The following BICC1 variants were observed in gnomAD, a reference collection of about 807,000 sequenced individuals.
BICC1 encodes protein bicaudal C homolog 1.
A neutral mutation model predicts 111.0 loss-of-function variants in BICC1; 43 were observed. The ratio of observed to expected loss-of-function variants is 0.39; its 90% CI spans 0.30 to 0.50. The LOEUF (loss-of-function observed/expected upper bound fraction) is 0.50, where lower values mean the gene tolerates loss of function less well. Among genes scored for constraint, BICC1 ranks in the 20% least tolerant of loss-of-function variants. The pLI is 0.88. For missense variants in BICC1, 1,091 were observed against 1,203.2 expected, an observed-to-expected ratio of 0.91 and a Z score of 1.38; for synonymous variants, 467 against 434.4, an observed-to-expected ratio of 1.07 and a Z score of -0.93.
intron 2 of BICC1, among the ~76,000 whole-genome samples, chr10:58,655,826 T>A (rs1838624649): frequency 6.8e-6 from 1 of 148,034 alleles, no homozygotes; most frequent in Admixed American, 6.9e-5. Context: ...GGGTTTGTCA[T>A]AGATAGCTCT....
intron 3 of BICC1, among the ~76,000 whole-genome samples, chr10:58,708,088 C>G (rs1840451492): frequency 7.0e-6 from 1 of 143,748 alleles, no homozygotes; most frequent in South Asian, 2.3e-4. Flanking sequence ...AAGTGATCTG[C>G]CTGCCATGGC....
chr10:58,684,270 A>T (rs7088529), intron 2 of BICC1, among the ~76,000 whole-genome samples: 2 of 152,136 alleles, frequency 1.3e-5, no homozygotes, highest in Non-Finnish European at 2.9e-5. Flanking sequence ...TGCTGGATTC[A>T]GTTTGCCAGT....
At chr10:58,747,974 A>T (rs1025540882) in intron 3 of BICC1, among the ~76,000 whole-genome samples, 1 of 152,154 alleles carries the variant, frequency 6.6e-6, no homozygotes, top group African/African-American at 2.4e-5. Context: ...CAAATGGCCT[A>T]CAAAGCCTAA....
chr10:58,546,820 G>A (rs549947424), intron 1 of BICC1, among the ~76,000 whole-genome samples: 97 of 152,174 alleles, frequency 6.4e-4, no homozygotes, highest in Non-Finnish European at 1.0e-3. Context: ...CAATCCAGAG[G>A]ATATTTGTAC....
At chr10:58,616,937 G>T (rs1845627885) in intron 1 of BICC1, among the ~76,000 whole-genome samples, 1 of 152,180 alleles carries the variant, frequency 6.6e-6, no homozygotes, top group Admixed American at 6.5e-5. Flanking sequence ...ATTTAAGATG[G>T]TGCGGCTGAG....
At chr10:58,634,932 G>C (rs745601032) in intron 2 of BICC1, among the ~76,000 whole-genome samples, 1 of 152,104 alleles carries the variant, frequency 6.6e-6, no homozygotes, top group Non-Finnish European at 1.5e-5. Flanking sequence ...CATCATAAAG[G>C]TCTTTATCCT....
chr10:58,733,887 C>G (rs1395906237), intron 3 of BICC1, among the ~76,000 whole-genome samples: 1 of 152,130 alleles, frequency 6.6e-6, no homozygotes, highest in Non-Finnish European at 1.5e-5. Context: ...CCTGGGTCAG[C>G]CAGTTACTAG....
chr10:58,752,781 G>A lies in BICC1; in HGVS notation c.308-32220G>A, dbSNP rs939927249. 5.3e-5 allele frequency among the ~76,000 whole-genome samples: 8 copies of A among 152,236 alleles called. No homozygotes were observed. The Middle Eastern group carries it at 0.01, about 194-fold the overall frequency. On this transcript the variant is annotated intron_variant, in intron 3 of 20. Transcript: ENST00000373886. Reference sequence around the variant, plus strand: ...TTTACTTTACCATGCACTTTCATTCGTGGCTGCAAAGAACAGAAAACCCAA... The same window carrying A: ...TTTACTTTACCATGCACTTTCATTCATGGCTGCAAAGAACAGAAAACCCAA...
Position 58,798,497 on chromosome 10 carries a change from A to G in BICC1, c.1465A>G (p.Ser489Gly), listed in dbSNP as rs911915612. 1 of 1,613,094 alleles carries G rather than the reference A, an allele frequency of 6.2e-7. No individual in the cohort carries two copies. Among genetic ancestry groups the G allele is most frequent in the East Asian group, 2.2e-5 (1 of 44,796 alleles). ...NSSVSPLQSP[S>G]SGTPSPTLWA... The stretch of plus-strand genomic sequence containing the variant: ...CTCAGTCAGTCCTTTGCAAAGTCCA[A>G]GTTCTGGTACACCCAGCCCCACATT... Residue 489 changes from serine (S) to glycine (G), a missense_variant, in exon 11 of 21, where the codon AGT (serine) becomes GGT (glycine). Physicochemically the swap from Ser to Gly is moderately conservative, Grantham distance 56. Coordinates refer to ENST00000373886, the MANE Select transcript of BICC1 (RefSeq NM_001080512.3).
At chr10:58,828,189 T>C (rs542834803) in intron 20 of BICC1, among the ~76,000 whole-genome samples, 2 of 152,306 alleles carry the variant, frequency 1.3e-5, no homozygotes, top group Non-Finnish European at 1.5e-5. Context: ...GTTTGGTACC[T>C]CAACCTCTGC....
intron 10 of BICC1, among the ~76,000 whole-genome samples, chr10:58,796,790 T>C (rs1157312189): frequency 6.6e-6 from 1 of 152,170 alleles, no homozygotes; most frequent in Non-Finnish European, 1.5e-5. Flanking sequence ...TGTTCTAAAT[T>C]AAGAATGCCA....
chr10:58,831,172 A>T lies in BICC1; in HGVS notation c.*2281A>T, dbSNP rs1844541453. On this transcript the variant is annotated 3_prime_UTR_variant, in exon 21 of 21. Coordinates refer to ENST00000373886, the MANE Select transcript of BICC1 (RefSeq NM_001080512.3). ...AATGAAGGGAATATGACACTACAGT[A>T]TACAGAGTTGTTGTTATATGATGCA... The T allele has an allele frequency of 6.6e-6, 1 of 152,228 alleles. No homozygotes were observed. The highest frequency in any genetic ancestry group is 2.1e-4 in the South Asian group (1 of 4,836). 9.4% of individuals were successfully genotyped at this position (152,228 alleles called of 1,614,324 possible). A position where few individuals can be genotyped will look rare whatever the true frequency, so the allele number is the denominator to read the frequency against.
chr10:58,772,115 G>A (rs956297129), intron 3 of BICC1, among the ~76,000 whole-genome samples: 2 of 152,142 alleles, frequency 1.3e-5, no homozygotes, highest in Non-Finnish European at 2.9e-5. Context: ...CTTGGGGAAG[G>A]ATGTAAAAGA....
At chr10:58,821,082 C>T (rs892026970) in intron 20 of BICC1, among the ~76,000 whole-genome samples, 14 of 152,052 alleles carry the variant, frequency 9.2e-5, no homozygotes, top group Non-Finnish European at 1.9e-4. Flanking sequence ...ATGCTCTATA[C>T]GTATTTATTG....
intron 1 of BICC1, among the ~76,000 whole-genome samples, chr10:58,526,509 A>G (rs1842546375): frequency 6.6e-6 from 1 of 151,986 alleles, no homozygotes. Context: ...CACATGTGTC[A>G]TATTGGTGTG....
chr10:58,598,076 G>A (rs148333687), intron 1 of BICC1, among the ~76,000 whole-genome samples: 1,576 of 152,122 alleles, frequency 0.01, 32 homozygotes, highest in African/African-American at 0.036. Context: ...ACTGATAAAT[G>A]TCCATGAAAT....
intron 2 of BICC1, among the ~76,000 whole-genome samples, chr10:58,623,571 C>A (rs562983817): frequency 3.9e-5 from 6 of 152,300 alleles, no homozygotes; most frequent in African/African-American, 1.4e-4. Context: ...CAGAGTCATT[C>A]GTTGTCCTCT....
intron 3 of BICC1, among the ~76,000 whole-genome samples, chr10:58,769,394 G>GTATATATATATATA (rs1424916212): frequency 1.9e-5 from 2 of 107,308 alleles, no homozygotes; most frequent in Non-Finnish European, 4.2e-5. Flanking sequence ...GTGTGTGTGT[G>GTATATATATATATA]TGTGTGTGTG....
chr10:58,556,158 A>G (rs971686707), intron 1 of BICC1, among the ~76,000 whole-genome samples: 1 of 152,062 alleles, frequency 6.6e-6, no homozygotes, highest in Non-Finnish European at 1.5e-5. Context: ...TTAAAATGCT[A>G]GTCTCTTACT....
Sources: allele counts gnomAD v4.1 joint callset (sites outside exome capture counted in the v4.1 genomes callset), GRCh38; gene constraint gnomAD v4.1.1; transcripts MANE v1.5; gene names NCBI Gene and HGNC (gene_info 2026-07-23, HGNC 2026-07-21).